The following GRIA4 variants were observed in gnomAD, a reference collection of about 807,000 sequenced individuals.
GRIA4 encodes the protein glutamate receptor 4.
Under a neutral mutation model 104.0 loss-of-function variants are expected in GRIA4, and 34 were observed. The observed-to-expected ratio is 0.33, with a 90% confidence interval of 0.25 to 0.44. The LOEUF (loss-of-function observed/expected upper bound fraction) is 0.44. GRIA4 is among the 20% of genes least tolerant of loss of function. The pLI, the probability that GRIA4 is intolerant of heterozygous loss-of-function variation, is 1.00. For missense variants in GRIA4, 750 were observed against 1,096.5 expected (o/e 0.68, Z 4.46); for synonymous variants, 386 against 381.9 (o/e 1.01, Z -0.13).
At position 105,753,221 on chromosome 11, in the gene GRIA4, GT is replaced by G; in HGVS notation, c.487+2del. ...GTCTTCCTGTATGACACAGACAGGG[GT>G]AAGTCCAGTTTCTTCATCTATTAGA... On this transcript the variant is annotated splice_donor_variant, in intron 4 of 16. Coordinates refer to ENST00000282499, the MANE Select transcript of GRIA4 (RefSeq NM_000829.4). LOFTEE classifies it high-confidence loss of function. The G allele has an allele frequency of 1.2e-6, 2 of 1,612,778 alleles. No individual in the cohort carries two copies. Among genetic ancestry groups the G allele is most frequent in the Non-Finnish European group, 1.7e-6 (2 of 1,178,860 alleles).
intron 3 of GRIA4, among the ~76,000 whole-genome samples, chr11:105,635,029 TC>T (rs1951166833): frequency 6.6e-6 from 1 of 152,320 alleles, no homozygotes; most frequent in African/African-American, 2.4e-5. Flanking sequence ...TCACAGTGTT[TC>T]CAAAACGAGG....
chr11:105,706,381 A>G (rs1194282933), intron 3 of GRIA4: 2 of 152,974 alleles, frequency 1.3e-5, no homozygotes, highest in South Asian at 2.1e-4. Flanking sequence ...GCTTATGCCA[A>G]TGATATAAAA....
At chr11:105,657,895 A>G (rs1160293934) in intron 3 of GRIA4, among the ~76,000 whole-genome samples, 2 of 151,824 alleles carry the variant, frequency 1.3e-5, no homozygotes, top group African/African-American at 4.8e-5. Context: ...TGGAAACTCT[A>G]TTTTTTTCTC....
At chr11:105,668,100 GTCTT>G (rs1469597191) in intron 3 of GRIA4, among the ~76,000 whole-genome samples, 1 of 150,730 alleles carries the variant, frequency 6.6e-6, no homozygotes, top group African/African-American at 2.4e-5. Flanking sequence ...TGCAGTATTT[GTCTT>G]TCTGTTTCTG....
intron 3 of GRIA4, among the ~76,000 whole-genome samples, chr11:105,628,359 T>C (rs892726804): frequency 2.0e-5 from 3 of 152,200 alleles, no homozygotes; most frequent in Non-Finnish European, 4.4e-5. Context: ...ACATATATAA[T>C]ATATACATGC....
At chr11:105,841,382 C>A (rs1423636206) in intron 4 of GRIA4, among the ~76,000 whole-genome samples, 2 of 152,110 alleles carry the variant, frequency 1.3e-5, no homozygotes, top group East Asian at 3.9e-4. Context: ...ACCTTGTGGG[C>A]AGAAGGGGCC....
chr11:105,796,004 A>T (rs1178332799), intron 4 of GRIA4, among the ~76,000 whole-genome samples: 2 of 152,144 alleles, frequency 1.3e-5, no homozygotes, highest in Non-Finnish European at 2.9e-5. Flanking sequence ...AAATGCCTGC[A>T]GAGAGACCCA....
rs1565326138 is a variant in GRIA4, at chr11:105,898,416, A to T, written c.874A>T (p.Thr292Ser). The change falls in exon 7 of 17, where the codon ACT becomes TCT. Residue 292 changes from threonine (T) to serine (S), a missense_variant. Around this residue, in one of 3 missense-constraint regions of GRIA4, gnomAD observed 410 missense variants for 502.7 expected, o/e 0.82. Coordinates refer to ENST00000282499, the MANE Select transcript of GRIA4 (RefSeq NM_000829.4). ...TCAGAGAGAGTATCCAGGATCTGAG[A>T]CTCCTCCAAAGGTATTTGTTTATTT... Reference protein sequence around the residue: ...LDQREYPGSETPPKYTSALTY... With the variant: ...LDQREYPGSESPPKYTSALTY... 1.3e-6 allele frequency: 2 copies of T among 1,571,970 alleles called. No homozygotes were observed. Among genetic ancestry groups the T allele is most frequent in the South Asian group, 2.2e-5 (2 of 89,514 alleles).
intron 3 of GRIA4, among the ~76,000 whole-genome samples, chr11:105,638,853 T>C (rs1279710156): frequency 6.6e-6 from 1 of 152,164 alleles, no homozygotes. Flanking sequence ...TTTCCCAAGA[T>C]AACATTTATT....
intron 5 of GRIA4, among the ~76,000 whole-genome samples, chr11:105,868,723 C>T (rs1434221416): frequency 3.3e-5 from 5 of 152,072 alleles, no homozygotes; most frequent in African/African-American, 1.2e-4. Context: ...GGGTGAGATG[C>T]AACAGGAACA....
chr11:105,764,948 G>C (rs1940862510), intron 4 of GRIA4, among the ~76,000 whole-genome samples: 1 of 152,066 alleles, frequency 6.6e-6, no homozygotes, highest in South Asian at 2.1e-4. Context: ...TTAAAGACAT[G>C]TAGTTGTCAG....
intron 4 of GRIA4, among the ~76,000 whole-genome samples, chr11:105,767,554 A>G (rs1162273629): frequency 1.3e-5 from 2 of 152,142 alleles, no homozygotes; most frequent in African/African-American, 4.8e-5. Flanking sequence ...CTGAAATAAA[A>G]AACTATGAGC....
chr11:105,752,202 C>G (rs1375816285), intron 3 of GRIA4, among the ~76,000 whole-genome samples: 1 of 151,994 alleles, frequency 6.6e-6, no homozygotes, highest in African/African-American at 2.4e-5. Context: ...GAGCATGGAC[C>G]AAGAAAGGCA....
At chr11:105,710,162 T>C (rs1953860230) in intron 3 of GRIA4, among the ~76,000 whole-genome samples, 1 of 152,136 alleles carries the variant, frequency 6.6e-6, no homozygotes, top group Non-Finnish European at 1.5e-5. Flanking sequence ...TAGTTTTACC[T>C]TGATGAAATT....
intron 3 of GRIA4, among the ~76,000 whole-genome samples, chr11:105,692,018 C>A (rs1319204832): frequency 1.3e-5 from 2 of 148,282 alleles, no homozygotes; most frequent in African/African-American, 2.5e-5. Flanking sequence ...CATGTAAAAT[C>A]AACACAAATT....
intron 3 of GRIA4, among the ~76,000 whole-genome samples, chr11:105,645,617 C>T (rs1026255793): frequency 2.0e-5 from 3 of 152,018 alleles, no homozygotes; most frequent in African/African-American, 4.8e-5. Flanking sequence ...GGTAACTCTA[C>T]AAAACTTCCT....
intron 5 of GRIA4, among the ~76,000 whole-genome samples, chr11:105,884,391 G>A (rs137961323): frequency 6.6e-6 from 1 of 152,352 alleles, no homozygotes; most frequent in African/African-American, 2.4e-5. Context: ...TGAAAGCCAT[G>A]TGAAACCACA....
intron 11 of GRIA4, among the ~76,000 whole-genome samples, chr11:105,919,918 C>T (rs1947513304): frequency 1.3e-5 from 2 of 152,124 alleles, no homozygotes; most frequent in African/African-American, 4.8e-5. Context: ...AGACAGTCAT[C>T]TTCTTCAGAA....
At chr11:105,615,076 G>A (rs756106762) in intron 3 of GRIA4, among the ~76,000 whole-genome samples, 11 of 151,778 alleles carry the variant, frequency 7.2e-5, no homozygotes, top group Admixed American at 2.0e-4. Context: ...GTTTATTTTA[G>A]TCATGATTTT....
Sources: allele counts gnomAD v4.1 joint callset (sites outside exome capture counted in the v4.1 genomes callset), GRCh38; gene constraint gnomAD v4.1.1; regional missense constraint gnomAD v4.1.1; transcripts MANE v1.5; gene names NCBI Gene and HGNC (gene_info 2026-07-23, HGNC 2026-07-21).